Variants in WWOX observed in about 807,000 individuals in gnomAD.
WWOX encodes the protein WW domain containing oxidoreductase, also known as WW domain-containing oxidoreductase.
In WWOX, 69 loss-of-function variants were observed where a neutral mutation model predicts 46.2. The ratio of observed to expected loss-of-function variants is 1.49; its 90% CI spans 1.23 to 1.82. The LOEUF (loss-of-function observed/expected upper bound fraction) is 1.82. Among genes scored for constraint, WWOX ranks in the 40% most tolerant of loss-of-function variants. The pLI, the probability that WWOX is intolerant of heterozygous loss-of-function variation, is 0.00. For missense variants in WWOX, 919 were observed against 542.6 expected, an observed-to-expected ratio of 1.69 and a Z score of -6.89; for synonymous variants, 359 against 202.6, an observed-to-expected ratio of 1.77 and a Z score of -6.56.
intron 5 of WWOX, among the ~76,000 whole-genome samples, chr16:78,337,152 T>C (rs958660043): frequency 1.7e-4 from 26 of 152,246 alleles, no homozygotes; most frequent in African/African-American, 6.0e-4. Context: ...AAAGAAAACA[T>C]GTTTGTGGTA....
chr16:78,770,825 G>A (rs1195420484), intron 8 of WWOX, among the ~76,000 whole-genome samples: 2 of 152,224 alleles, frequency 1.3e-5, no homozygotes, highest in African/African-American at 4.8e-5. Context: ...GCCGAGCAAT[G>A]CTAAATGTGC....
chr16:78,100,131 ACTGCG>A, intron 1 of WWOX: 2 of 1,337,898 alleles, frequency 1.5e-6, no homozygotes, highest in Non-Finnish European at 1.9e-6. Flanking sequence ...AGGATGCAGC[ACTGCG>A]CGGCGCGGCG....
At chr16:78,645,570 G>T (rs1002076292) in intron 8 of WWOX, among the ~76,000 whole-genome samples, 2 of 152,114 alleles carry the variant, frequency 1.3e-5, no homozygotes, top group African/African-American at 4.8e-5. Context: ...AAGTGAAGGG[G>T]AGCCAGCATG....
rs765750695 is a variant in WWOX, at chr16:78,432,495, G to T, written c.799G>T (p.Asp267Tyr). The change falls in exon 8 of 9, where the codon GAT becomes TAT. Residue 267 changes from aspartate to tyrosine, a missense_variant. Physicochemically the swap from Asp to Tyr is radical, Grantham distance 160. Transcript: ENST00000566780. ...ATATTTCCTATTTTTAAGATTTACA[G>T]ATATTAACGACTCCTTGGGAAAACT... ...VVSSESHRFT[D>Y]INDSLGKLDF... The T allele has an allele frequency of 1.2e-6, 2 of 1,609,338 alleles. No homozygotes were observed. Among genetic ancestry groups the T allele is most frequent in the South Asian group, 2.2e-5 (2 of 90,914 alleles).
chr16:78,582,899 G>C (rs1419695270), intron 8 of WWOX, among the ~76,000 whole-genome samples: 2 of 152,116 alleles, frequency 1.3e-5, no homozygotes, highest in Non-Finnish European at 2.9e-5. Context: ...CCAGAGCTCT[G>C]CTAATTTTGG....
At chr16:79,099,584 G>C (rs1377212012) in intron 8 of WWOX, among the ~76,000 whole-genome samples, 2 of 142,954 alleles carry the variant, frequency 1.4e-5, no homozygotes, top group East Asian at 2.1e-4. Flanking sequence ...GTGTGTGTGT[G>C]TGTGTTTGTG....
At chr16:79,093,903 G>T (rs1001462952) in intron 8 of WWOX, among the ~76,000 whole-genome samples, 2 of 152,120 alleles carry the variant, frequency 1.3e-5, no homozygotes, top group Admixed American at 6.5e-5. Context: ...CCACTTTCTC[G>T]CTCTCTCCTT....
intron 8 of WWOX, among the ~76,000 whole-genome samples, chr16:78,640,952 AAG>A (rs1555508650): frequency 1.5e-4 from 21 of 142,414 alleles, no homozygotes; most frequent in East Asian, 4.1e-4. Context: ...AAAAAAAAAA[AAG>A]AAGAAGAAAA....
At chr16:78,628,525 G>T (rs1277860806) in intron 8 of WWOX, among the ~76,000 whole-genome samples, 1 of 152,126 alleles carries the variant, frequency 6.6e-6, no homozygotes, top group Admixed American at 6.5e-5. Context: ...TTAAGGATAA[G>T]AACTATATTT....
chr16:78,729,992 G>A (rs755590624), intron 8 of WWOX, among the ~76,000 whole-genome samples: 19 of 152,092 alleles, frequency 1.2e-4, no homozygotes, highest in Non-Finnish European at 2.8e-4. Context: ...CTGCCACCTT[G>A]CAACATCATC....
intron 8 of WWOX, among the ~76,000 whole-genome samples, chr16:79,148,409 T>G (rs2050218213): frequency 6.6e-6 from 1 of 152,198 alleles, no homozygotes; most frequent in Non-Finnish European, 1.5e-5. Flanking sequence ...GGCTTCTTTA[T>G]TCCACTGATC....
intron 8 of WWOX, among the ~76,000 whole-genome samples, chr16:78,683,293 C>A (rs993038041): frequency 1.7e-5 from 2 of 120,054 alleles, no homozygotes; most frequent in Non-Finnish European, 3.8e-5. Flanking sequence ...GGTGGATTGC[C>A]TGAGCTCAGG....
intron 8 of WWOX, among the ~76,000 whole-genome samples, chr16:78,527,584 G>A (rs918825963): frequency 3.3e-5 from 5 of 152,054 alleles, no homozygotes; most frequent in Non-Finnish European, 7.4e-5. Flanking sequence ...ATGAGCCATC[G>A]CGCCCAGCCA....
chr16:79,062,950 A>T (rs1014324893), intron 8 of WWOX, among the ~76,000 whole-genome samples: 2 of 152,212 alleles, frequency 1.3e-5, no homozygotes, highest in African/African-American at 4.8e-5. Context: ...TACCCACCCA[A>T]ATCAGCCAGA....
At chr16:78,677,285 G>C (rs549996517) in intron 8 of WWOX, among the ~76,000 whole-genome samples, 217 of 152,108 alleles carry the variant, frequency 1.4e-3, no homozygotes, top group Admixed American at 2.6e-3. Flanking sequence ...AAATGTTTTT[G>C]GTTTCTCTGT....
intron 8 of WWOX, among the ~76,000 whole-genome samples, chr16:78,806,272 T>C (rs372464431): frequency 2.0e-5 from 3 of 152,194 alleles, no homozygotes; most frequent in Non-Finnish European, 4.4e-5. Context: ...TTGGATATCA[T>C]TGATGAGGGA....
intron 6 of WWOX, among the ~76,000 whole-genome samples, chr16:78,402,384 G>T (rs1260085489): frequency 1.3e-5 from 2 of 152,138 alleles, no homozygotes; most frequent in Non-Finnish European, 2.9e-5. Flanking sequence ...TTGTCAGTCG[G>T]ATATTTCTGT....
chr16:78,386,800 T>G (rs2082070380), intron 5 of WWOX, 60 bp from the exon 6 acceptor site: 2 of 1,448,234 alleles, frequency 1.4e-6, no homozygotes, highest in Non-Finnish European at 1.9e-6. Flanking sequence ...TACTGTAACT[T>G]GATACCATGA....
intron 5 of WWOX, among the ~76,000 whole-genome samples, chr16:78,369,973 A>C (rs989424374): frequency 2.6e-4 from 39 of 151,834 alleles, no homozygotes; most frequent in African/African-American, 9.4e-4. Flanking sequence ...TCTCTACTAA[A>C]ACTACAAAAA....
Sources: gnomAD v4.1 joint callset for allele counts (sites outside exome capture counted in the v4.1 genomes callset) on GRCh38, gnomAD v4.1.1 for gene constraint, MANE v1.5 for transcripts, NCBI Gene and HGNC (gene_info 2026-07-23, HGNC 2026-07-21) for gene names.